SIL1: variants seen among roughly 807,000 people sequenced by gnomAD.
The protein encoded by SIL1 is nucleotide exchange factor SIL1.
In SIL1, 40 loss-of-function variants were observed where a neutral mutation model predicts 49.1. The observed-to-expected ratio is 0.81, with a 90% CI of 0.63 to 1.06. The LOEUF (loss-of-function observed/expected upper bound fraction) is 1.06. Among genes scored for constraint, SIL1 ranks in the 50% least tolerant of loss-of-function variants. SIL1 has a pLI of 0.00. For synonymous variants in SIL1, 253 were observed against 250.8 expected (o/e 1.01, Z -0.08); for missense variants, 500 against 572.6 (o/e 0.87, Z 1.29).
chr5:139,096,700 C>T (rs1456468642), intron 3 of SIL1, among the ~76,000 whole-genome samples: 1 of 151,884 alleles, frequency 6.6e-6, no homozygotes, highest in African/African-American at 2.4e-5. Flanking sequence ...CTAGACACAC[C>T]CTGGCCAAAA....
intron 7 of SIL1, among the ~76,000 whole-genome samples, chr5:138,954,318 C>T (rs112954197): frequency 6.6e-5 from 10 of 152,282 alleles, no homozygotes; most frequent in African/African-American, 2.4e-4. Flanking sequence ...TCTGTGGGTA[C>T]GGCAGGACCA....
At chr5:139,104,018 T>C (rs1047274161) in intron 3 of SIL1, among the ~76,000 whole-genome samples, 7 of 152,146 alleles carry the variant, frequency 4.6e-5, no homozygotes, top group Admixed American at 2.0e-4. Flanking sequence ...CTACACAGAC[T>C]GGGGTGAGGG....
chr5:139,039,097 G>T (rs1403331393), intron 5 of SIL1, among the ~76,000 whole-genome samples: 2 of 152,218 alleles, frequency 1.3e-5, no homozygotes, highest in South Asian at 4.1e-4. Flanking sequence ...GGGAAGCAGA[G>T]AGTATCCATT....
At chr5:138,984,585 C>T (rs896782300) in intron 7 of SIL1, among the ~76,000 whole-genome samples, 3 of 152,150 alleles carry the variant, frequency 2.0e-5, no homozygotes, top group African/African-American at 7.2e-5. Context: ...TCTCAAACTC[C>T]TGACCTCAGG....
At chr5:139,005,119 C>T (rs1330455365) in intron 7 of SIL1, among the ~76,000 whole-genome samples, 1 of 152,038 alleles carries the variant, frequency 6.6e-6, no homozygotes, top group Admixed American at 6.6e-5. Flanking sequence ...AATGCTGAGG[C>T]AGGGATGTTA....
intron 7 of SIL1, among the ~76,000 whole-genome samples, chr5:138,956,989 GC>G (rs2150381815): frequency 6.6e-6 from 1 of 152,032 alleles, no homozygotes; most frequent in African/African-American, 2.4e-5. Context: ...TTCATGTACA[GC>G]CCCCAACTGG....
intron 3 of SIL1, among the ~76,000 whole-genome samples, chr5:139,093,305 T>C (rs1332816588): frequency 6.6e-6 from 1 of 152,212 alleles, no homozygotes; most frequent in Non-Finnish European, 1.5e-5. Flanking sequence ...CTATGCTCTT[T>C]AGAAATTACC....
intron 1 of SIL1, among the ~76,000 whole-genome samples, chr5:139,179,964 G>C (rs1034172768): frequency 9.9e-5 from 15 of 151,834 alleles, no homozygotes; most frequent in African/African-American, 3.6e-4. Context: ...GCTGAGGTGG[G>C]AGGATCTCTT....
intron 3 of SIL1, 140 bp from the exon 4 acceptor site, chr5:139,051,186 CCT>C: frequency 1.4e-6 from 1 of 735,768 alleles, no homozygotes; most frequent in Non-Finnish European, 2.4e-6. Context: ...TCCACCCATC[CCT>C]CTCCCTTGAA....
chr5:139,036,686 G>A (rs1768918291), intron 5 of SIL1, among the ~76,000 whole-genome samples: 1 of 152,080 alleles, frequency 6.6e-6, no homozygotes, highest in Admixed American at 6.5e-5. Flanking sequence ...ACACACACTG[G>A]GGCCTATTGG....
chr5:138,961,378 C>T (rs1396025736), intron 7 of SIL1, among the ~76,000 whole-genome samples: 1 of 152,226 alleles, frequency 6.6e-6, no homozygotes, highest in African/African-American at 2.4e-5. Flanking sequence ...TTCCACTTAA[C>T]TCTATGTTTG....
intron 7 of SIL1, among the ~76,000 whole-genome samples, chr5:139,010,761 C>T (rs1469134423): frequency 6.6e-6 from 1 of 151,970 alleles, no homozygotes; most frequent in Non-Finnish European, 1.5e-5. Context: ...GGGTGCCTCC[C>T]AGTTAGGCTG....
chr5:139,192,816 A>G (rs1040735804), intron 1 of SIL1, among the ~76,000 whole-genome samples: 3 of 151,306 alleles, frequency 2.0e-5, no homozygotes, highest in African/African-American at 7.3e-5. Flanking sequence ...TGAGCAACAC[A>G]GTGAGACTGT....
chr5:139,130,266 AGAGT>A (rs947608473), intron 1 of SIL1, among the ~76,000 whole-genome samples: 28 of 152,162 alleles, frequency 1.8e-4, no homozygotes, highest in African/African-American at 6.5e-4. Context: ...CCTGGGCAAC[AGAGT>A]GAGATTCTGC....
Position 138,947,426 on chromosome 5 carries a change from C to A in SIL1, c.1077G>T (p.Glu359Asp), listed in dbSNP as rs368428884. 24 of 1,613,498 alleles carry A rather than the reference C, an allele frequency of 1.5e-5. No individual in the cohort carries two copies. In the South Asian group the frequency reaches 1.8e-4, roughly 12 times the overall value. ...EAELTQEMSP[E>D]KLQQYRQVHL... is the part of the protein sequence containing the mutation. Reference sequence around the variant, plus strand: ...GTACCTGGCGATACTGCTGCAGCTTCTCTGGGGACATCTCCTGGGTCAGCT... The same window carrying A: ...GTACCTGGCGATACTGCTGCAGCTTATCTGGGGACATCTCCTGGGTCAGCT... The change falls in exon 10 of 10, where the codon GAG (glutamate) becomes GAT (aspartate). Residue 359 changes from glutamate to aspartate, a missense_variant. By Grantham distance (45) the Glu-to-Asp change is conservative. Transcript: ENST00000394817. This position sits in a 1 kb window ranked among gnomAD's most constrained non-coding sequence, Gnocchi z 4.1.
intron 1 of SIL1, among the ~76,000 whole-genome samples, chr5:139,142,329 A>C (rs191952160): frequency 5.9e-5 from 9 of 152,344 alleles, no homozygotes; most frequent in Admixed American, 5.9e-4. Context: ...AGCAAGACAA[A>C]GACACTATAA....
chr5:139,033,578 CTTTT>C (rs377237047), intron 5 of SIL1, among the ~76,000 whole-genome samples: 2 of 147,408 alleles, frequency 1.4e-5, no homozygotes, highest in African/African-American at 5.0e-5. Flanking sequence ...TTCAATGTAT[CTTTT>C]TTTTTTAACC....
rs571110901 is a variant in SIL1 at position 139,172,929 on chromosome 5, C to G, written c.-11+25340G>C. 2.0e-5 allele frequency among the ~76,000 whole-genome samples: 3 copies of G among 152,108 alleles called. No individual in the cohort carries two copies. In the South Asian group the frequency reaches 6.2e-4, roughly 32 times the overall value. On this transcript the variant is annotated intron_variant, in intron 1 of 9. Transcript: ENST00000394817. ...ATCTCTGCCCCCACTCCAGAACCCG[C>G]TGATGCCCCCATGATCCCAAAGAAG...
intron 3 of SIL1, among the ~76,000 whole-genome samples, chr5:139,119,152 G>A (rs1248632776): frequency 6.6e-6 from 1 of 152,202 alleles, no homozygotes; most frequent in Non-Finnish European, 1.5e-5. Flanking sequence ...CAAGTTAACT[G>A]TAAAAATCAG....
Sources: gnomAD v4.1 joint callset for allele counts (sites outside exome capture counted in the v4.1 genomes callset) on GRCh38, gnomAD v4.1.1 for gene constraint, Gnocchi (gnomAD v3.1) non-coding constraint, MANE v1.5 for transcripts, NCBI Gene and HGNC (gene_info 2026-07-23, HGNC 2026-07-21) for gene names.